Variants in TNFRSF11A observed in about 807,000 individuals in gnomAD.
TNFRSF11A encodes TNF receptor superfamily member 11a.
A neutral mutation model predicts 55.7 loss-of-function variants in TNFRSF11A; 32 were observed. The ratio of observed to expected loss-of-function variants is 0.57; its 90% CI spans 0.43 to 0.77. The LOEUF is 0.77. Ranked by LOEUF, TNFRSF11A falls within the 30% of genes least tolerant of loss-of-function variation. The pLI is 0.00. For missense variants in TNFRSF11A, 753 were observed against 809.8 expected (o/e 0.93, Z 0.85); for synonymous variants, 311 against 331.0 (o/e 0.94, Z 0.65).
intron 7 of TNFRSF11A, among the ~76,000 whole-genome samples, chr18:62,364,780 A>T (rs1909958034): frequency 6.6e-6 from 1 of 152,168 alleles, no homozygotes; most frequent in Non-Finnish European, 1.5e-5. Context: ...TTTTGCGTGT[A>T]CTACGTACAT....
At position 62,368,902 on chromosome 18, in the gene TNFRSF11A, T is replaced by C. The variant is rs182849554; in HGVS notation, c.985T>C (p.Leu329=). ...AQGEDARMLS[L]VSKTEIEEDS... is the part of the protein sequence containing the mutation. Reference sequence around the variant, plus strand: ...AGGCGAAGATGCCAGGATGCTCTCATTGGTCAGCAAGACCGAGATAGAGGA... The same window carrying C: ...AGGCGAAGATGCCAGGATGCTCTCACTGGTCAGCAAGACCGAGATAGAGGA... The change falls in exon 9 of 10, where the codon TTG becomes CTG. Residue 329 remains leucine, a synonymous_variant. Transcript: ENST00000586569. 8.1e-5 allele frequency: 130 copies of C among 1,614,262 alleles called. No homozygotes were observed. In the African/African-American group the frequency reaches 1.2e-3, roughly 15 times the overall value.
chr18:62,343,900 T>C (rs1042248742), intron 1 of TNFRSF11A, among the ~76,000 whole-genome samples: 3 of 152,258 alleles, frequency 2.0e-5, no homozygotes, highest in Non-Finnish European at 4.4e-5. Flanking sequence ...TTAGTTGATA[T>C]AGATTCTGTG....
At chr18:62,358,214 C>A in intron 4 of TNFRSF11A, 34 bp from the exon 5 acceptor site, 1 of 1,575,480 alleles carries the variant, frequency 6.3e-7, no homozygotes, top group South Asian at 1.1e-5. Flanking sequence ...TTTGTTTGTT[C>A]TGTCTGGGTT....
chr18:62,332,469 C>T (rs1265400907), intron 1 of TNFRSF11A, among the ~76,000 whole-genome samples: 1 of 152,100 alleles, frequency 6.6e-6, no homozygotes, highest in African/African-American at 2.4e-5. Flanking sequence ...AAAGCTTAGT[C>T]GAGATTATTC....
At chr18:62,337,148 G>GT (rs1446978443) in intron 1 of TNFRSF11A, among the ~76,000 whole-genome samples, 3 of 152,040 alleles carry the variant, frequency 2.0e-5, no homozygotes, top group Non-Finnish European at 4.4e-5. Flanking sequence ...ATATTTTTAA[G>GT]TTTTTGTTTT....
At chr18:62,353,261 C>T (rs1202001187) in intron 3 of TNFRSF11A, among the ~76,000 whole-genome samples, 2 of 152,206 alleles carry the variant, frequency 1.3e-5, no homozygotes, top group Non-Finnish European at 2.9e-5. Context: ...TTATTTGATA[C>T]ATGTTGTTGA....
intron 7 of TNFRSF11A, among the ~76,000 whole-genome samples, chr18:62,364,349 A>C (rs1237245060): frequency 6.6e-6 from 1 of 152,138 alleles, no homozygotes; most frequent in Non-Finnish European, 1.5e-5. Context: ...AGAGGAGGGC[A>C]TGGCGAGACC....
In TNFRSF11A at chr18:62,387,599, T is replaced by C. The variant is rs1208244578; in HGVS notation, c.*2565T>C. On this transcript the variant is annotated 3_prime_UTR_variant, in exon 10 of 10. Transcript: ENST00000586569. ...AGAAAATACTTGCTTTAATAATATA[T>C]ATGCTGTTGATTTCACAAAAATTTA... 1 of 152,208 alleles carries C rather than the reference T, an allele frequency of 6.6e-6. No homozygotes were observed. The highest frequency in any genetic ancestry group is 1.9e-4 in the East Asian group (1 of 5,200). 9.4% of individuals were successfully genotyped at this position (152,208 alleles called of 1,614,324 possible).
intron 5 of TNFRSF11A, 71 bp downstream of exon 5, chr18:62,358,412 G>T: frequency 1.4e-6 from 2 of 1,418,544 alleles, no homozygotes; most frequent in Non-Finnish European, 2.0e-6. Flanking sequence ...GTCTCGTCTG[G>T]GTTGAAAACG....
chr18:62,363,635 G>A (rs1909863852), intron 7 of TNFRSF11A, among the ~76,000 whole-genome samples: 1 of 152,094 alleles, frequency 6.6e-6, no homozygotes, highest in Non-Finnish European at 1.5e-5. Context: ...CCAAAGTGCT[G>A]GGATTACATG....
chr18:62,369,541 G>C, intron 9 of TNFRSF11A, 57 bp downstream of exon 9: 1 of 1,591,664 alleles, frequency 6.3e-7, no homozygotes, highest in Non-Finnish European at 8.5e-7. Flanking sequence ...TTGGTACAGG[G>C]TTTGGGGGCA....
Position 62,385,140 on chromosome 18 carries a change from G to T in TNFRSF11A, c.*106G>T. ...CACCCAGGGATCGATCGGTACAGTC[G>T]AGGAAGACCACCCGGCATTCTCTGC... On this transcript the variant is annotated 3_prime_UTR_variant, in exon 10 of 10. Transcript: ENST00000586569. 1 of 1,258,160 alleles carries T rather than the reference G, an allele frequency of 7.9e-7. No homozygotes were observed. Among genetic ancestry groups the T allele is most frequent in the Non-Finnish European group, 1.0e-6 (1 of 974,562 alleles). 77.9% of individuals were successfully genotyped at this position (1,258,160 alleles called of 1,614,324 possible).
In TNFRSF11A at chr18:62,369,013, C is replaced by G; in HGVS notation, c.1096C>G (p.Pro366Ala). ...PTDQLLFLTE[P>A]GSKSTPPFSE... ...AGACCAGTTACTGTTCCTCACTGAG[C>G]CTGGAAGCAAATCCACACCTCCTTT... The change falls in exon 9 of 10, where the codon CCT (proline) becomes GCT (alanine). Residue 366 changes from proline (P) to alanine (A), a missense_variant. Coordinates refer to ENST00000586569, the MANE Select transcript of TNFRSF11A (RefSeq NM_003839.4). 6.2e-7 allele frequency: 1 copy of G among 1,614,240 alleles called. No individual in the cohort carries two copies. The highest frequency in any genetic ancestry group is 8.5e-7 in the Non-Finnish European group (1 of 1,180,052).
intron 9 of TNFRSF11A, among the ~76,000 whole-genome samples, chr18:62,379,583 A>T (rs923539369): frequency 3.3e-5 from 5 of 152,238 alleles, no homozygotes; most frequent in Non-Finnish European, 4.4e-5. Context: ...CACAACCGTG[A>T]AAGGTGGAAG....
chr18:62,357,563 CTA>C (rs1909353377), intron 4 of TNFRSF11A, among the ~76,000 whole-genome samples: 1 of 152,324 alleles, frequency 6.6e-6, no homozygotes, highest in South Asian at 2.1e-4. Flanking sequence ...TGCTTTCATG[CTA>C]TGAGTAGCTG....
At chr18:62,349,607 T>G (rs138983462) in intron 2 of TNFRSF11A, among the ~76,000 whole-genome samples, 1 of 152,312 alleles carries the variant, frequency 6.6e-6, no homozygotes, top group Non-Finnish European at 1.5e-5. Flanking sequence ...GCCAGCTGCG[T>G]GGCCTGAGGA....
chr18:62,347,852 T>G (rs2046406021), intron 1 of TNFRSF11A, among the ~76,000 whole-genome samples: 1 of 150,710 alleles, frequency 6.6e-6, no homozygotes, highest in South Asian at 2.1e-4. Context: ...TGCAGTGAGG[T>G]GAGGTTGCGC....
At chr18:62,348,475 T>C (rs1170738139) in intron 2 of TNFRSF11A, among the ~76,000 whole-genome samples, 1 of 152,232 alleles carries the variant, frequency 6.6e-6, no homozygotes, top group African/African-American at 2.4e-5. Context: ...AAACTGTTGC[T>C]TAATTTGGGC....
chr18:62,359,470 C>T (rs992676330), intron 5 of TNFRSF11A, among the ~76,000 whole-genome samples: 3 of 152,086 alleles, frequency 2.0e-5, no homozygotes, highest in Non-Finnish European at 4.4e-5. Flanking sequence ...CCTTCAACCT[C>T]CTGGGCTCAA....
Sources: gnomAD v4.1 joint callset for allele counts (sites outside exome capture counted in the v4.1 genomes callset) on GRCh38, gnomAD v4.1.1 for gene constraint, MANE v1.5 for transcripts, NCBI Gene and HGNC (gene_info 2026-07-23, HGNC 2026-07-21) for gene names.